The following GLG1 variants were observed in gnomAD, a reference collection of about 807,000 sequenced individuals.
The protein encoded by GLG1 is Golgi apparatus protein 1.
GLG1 carries 38 observed loss-of-function variants against 160.5 expected under a neutral mutation model. That is an observed-to-expected ratio of 0.24 (90% confidence interval 0.18 to 0.31). The LOEUF is 0.31. Ranked by LOEUF, GLG1 falls within the 10% of genes least tolerant of loss-of-function variation. The probability of loss-of-function intolerance (pLI) is 1.00; values close to 1 mark genes in which losing one functional copy is unlikely to be tolerated. For missense variants in GLG1, 1,373 were observed against 1,505.2 expected, an observed-to-expected ratio of 0.91 and a Z score of 1.45; for synonymous variants, 644 against 543.4, an observed-to-expected ratio of 1.19 and a Z score of -2.57.
chr16:74,581,565 C>T (rs560432635), intron 1 of GLG1, among the ~76,000 whole-genome samples: 68 of 147,620 alleles, frequency 4.6e-4, no homozygotes, highest in African/African-American at 1.6e-3. Context: ...CCAGGAGGTG[C>T]TTCATGCCTG....
chr16:74,526,115 T>C (rs2017324813), intron 2 of GLG1, among the ~76,000 whole-genome samples: 1 of 152,144 alleles, frequency 6.6e-6, no homozygotes, highest in South Asian at 2.1e-4. Context: ...AAAATGAAAA[T>C]AGTATATAAG....
Position 74,467,765 on chromosome 16 carries a change from G to A in GLG1, c.2520C>T (p.Gly840=). 6.2e-7 allele frequency: 1 copy of A among 1,603,120 alleles called. No individual in the cohort carries two copies. Among genetic ancestry groups the A allele is most frequent in the Non-Finnish European group, 8.5e-7 (1 of 1,170,550 alleles). ...IKNFCSAVQY[G]NAQIIECLKE... ...AAAAGCAAAAAGTTACCTGAGCGTT[G>A]CCATATTGCACAGCGGAACAGAAGT... The change falls in exon 18 of 26, where the codon GGC becomes GGT. Residue 840 remains glycine (G), a synonymous_variant. Transcript: ENST00000422840.
At chr16:74,508,176 C>T (rs1262035730) in intron 3 of GLG1, among the ~76,000 whole-genome samples, 1 of 151,850 alleles carries the variant, frequency 6.6e-6, no homozygotes, top group East Asian at 1.9e-4. Flanking sequence ...ATCAATAGGG[C>T]CAGCTTGAGG....
At chr16:74,587,356 A>T (rs1958077132) in intron 1 of GLG1, among the ~76,000 whole-genome samples, 1 of 152,242 alleles carries the variant, frequency 6.6e-6, no homozygotes, top group African/African-American at 2.4e-5. Context: ...TATCTAAAGC[A>T]GCTAGAATTT....
At position 74,463,450 on chromosome 16, in the gene GLG1, G is replaced by T. The variant is rs1567458284; in HGVS notation, c.2697C>A (p.Thr899=). The T allele has an allele frequency of 3.1e-6, 5 of 1,613,682 alleles. No individual in the cohort carries two copies. Among genetic ancestry groups the T allele is most frequent in the Non-Finnish European group, 4.2e-6 (5 of 1,179,600 alleles). ...KRFCPEADSK[T]MLQCLKQNKN... ...TATTTTGCTTCAAGCACTGCAACAT[G>T]GTTTTAGAATCTGCTTCCGGACAGA... The change falls in exon 20 of 26, where the codon ACC becomes ACA. Residue 899 remains threonine (T), a synonymous_variant. Coordinates refer to ENST00000422840, the MANE Select transcript of GLG1 (RefSeq NM_001145667.2).
chr16:74,573,381 A>G (rs2018892931), intron 1 of GLG1, among the ~76,000 whole-genome samples: 1 of 152,104 alleles, frequency 6.6e-6, no homozygotes, highest in African/African-American at 2.4e-5. Context: ...CGTATCTTAA[A>G]GGATTCTGAA....
rs1303896372 is a variant in GLG1, at chr16:74,453,289, T to C, written c.3418A>G (p.Thr1140Ala). 6.2e-7 allele frequency: 1 copy of C among 1,613,770 alleles called. No individual in the cohort carries two copies. Among genetic ancestry groups the C allele is most frequent in the Non-Finnish European group, 8.5e-7 (1 of 1,179,710 alleles). Residue 1140 changes from threonine (T) to alanine (A), a missense_variant, in exon 26 of 26, where the codon ACG (threonine) becomes GCG (alanine). By Grantham distance (58) the Thr-to-Ala change is moderately conservative. Transcript: ENST00000422840. ...AGAATGTAGTTCTTAGATGGAGACG[T>C]CATTACTTGCATGGCAAGATCAGAG... The part of the protein sequence containing the change: ...GFSDLAMQVM[T>A]SPSKNYILSV...
At chr16:74,584,853 T>A (rs1413637431) in intron 1 of GLG1, among the ~76,000 whole-genome samples, 1 of 151,510 alleles carries the variant, frequency 6.6e-6, no homozygotes, top group African/African-American at 2.4e-5. Flanking sequence ...GAGGCAGAGG[T>A]TGCAGTGAGC....
chr16:74,518,258 A>C (rs1035257806), intron 2 of GLG1, among the ~76,000 whole-genome samples: 1 of 152,198 alleles, frequency 6.6e-6, no homozygotes, highest in African/African-American at 2.4e-5. Flanking sequence ...CTTGGGCAAG[A>C]AGCACAAAGT....
intron 1 of GLG1, among the ~76,000 whole-genome samples, chr16:74,597,007 T>C (rs1029561579): frequency 6.6e-6 from 1 of 151,902 alleles, no homozygotes; most frequent in Non-Finnish European, 1.5e-5. Context: ...AAGGAGGAGA[T>C]ACTCAGGAGG....
intron 16 of GLG1, 96 bp downstream of exon 16, chr16:74,469,889 C>G (rs568037583): frequency 2.5e-6 from 2 of 813,760 alleles, no homozygotes; most frequent in East Asian, 2.4e-5. Context: ...GCTAACCCCA[C>G]GAGGCAGCAG....
intron 11 of GLG1, among the ~76,000 whole-genome samples, chr16:74,477,935 TGCACTCCAGCCTGG>T (rs1326399677): frequency 6.6e-6 from 1 of 150,660 alleles, no homozygotes; most frequent in African/African-American, 2.4e-5. Flanking sequence ...ATTGCACTAC[TGCACTCCAGCCTGG>T]GCAACAAGAG....
chr16:74,470,354 C>T (rs185912958), intron 15 of GLG1, among the ~76,000 whole-genome samples: 3 of 145,412 alleles, frequency 2.1e-5, no homozygotes, highest in East Asian at 2.0e-4. Context: ...TCCTTCCTTC[C>T]TTCCCTCCTT....
chr16:74,514,665 G>A (rs1218659088), intron 2 of GLG1, among the ~76,000 whole-genome samples: 13 of 152,180 alleles, frequency 8.5e-5, no homozygotes, highest in East Asian at 3.9e-4. Flanking sequence ...AGGAACAACC[G>A]GTACCAGCCA....
In GLG1 at chr16:74,478,683, G is replaced by A. The variant is rs559261754; in HGVS notation, c.1828-1150C>T. On this transcript the variant is annotated intron_variant, in intron 11 of 25. Coordinates refer to ENST00000422840, the MANE Select transcript of GLG1 (RefSeq NM_001145667.2). ...TCCCAGCTCTTTGGGAGGCTGAGGCGGGCAGATCACCTGAGGTCTGGAGTT... is the reference window on the plus strand; with the variant it reads ...TCCCAGCTCTTTGGGAGGCTGAGGCAGGCAGATCACCTGAGGTCTGGAGTT... 2.4e-4 allele frequency among the ~76,000 whole-genome samples: 36 copies of A among 151,744 alleles called. No individual in the cohort carries two copies. In the East Asian group the frequency reaches 3.1e-3, roughly 13 times the overall value.
intron 4 of GLG1, among the ~76,000 whole-genome samples, chr16:74,502,666 C>G (rs953411521): frequency 5.3e-5 from 8 of 151,368 alleles, no homozygotes; most frequent in Admixed American, 2.0e-4. Context: ...GCCTCAGCCT[C>G]CCAAGTAGCT....
rs750343815 is a variant in GLG1, at chr16:74,456,770, GAAT to G, written c.3266-18_3266-16del. On this transcript the variant is annotated splice_polypyrimidine_tract_variant and intron_variant, in intron 24 of 25. Transcript: ENST00000422840. ...ACAGGACATTTCTGTGGGAGGAAAT[GAAT>G]AATAAGAAGAACCTGAAACTGTACA... is the stretch of plus-strand genomic sequence containing the variant. The G allele has an allele frequency of 2.8e-6, 4 of 1,435,360 alleles. No homozygotes were observed. Among genetic ancestry groups the G allele is most frequent in the African/African-American group, 1.4e-5 (1 of 71,550 alleles). 88.9% of individuals were successfully genotyped at this position (1,435,360 alleles called of 1,614,324 possible).
chr16:74,468,282 G>C (rs1260426181), intron 17 of GLG1: 1 of 133,032 alleles, frequency 7.5e-6, no homozygotes, highest in Non-Finnish European at 1.5e-5. Flanking sequence ...TGTCACCCAG[G>C]CTGGAGTACA....
intron 19 of GLG1, among the ~76,000 whole-genome samples, chr16:74,464,453 G>A (rs2014925549): frequency 6.6e-6 from 1 of 152,226 alleles, no homozygotes; most frequent in African/African-American, 2.4e-5. Context: ...CTGTGGACTA[G>A]TAATAAACTC....
Sources: gnomAD v4.1 joint callset for allele counts (sites outside exome capture counted in the v4.1 genomes callset) on GRCh38, gnomAD v4.1.1 for gene constraint, MANE v1.5 for transcripts, NCBI Gene and HGNC (gene_info 2026-07-23, HGNC 2026-07-21) for gene names.